The following DENND5A variants were observed in gnomAD, a reference collection of about 807,000 sequenced individuals.
The protein encoded by DENND5A is DENN domain containing 5A.
A neutral mutation model predicts 140.3 loss-of-function variants in DENND5A; 64 were observed. The ratio of observed to expected loss-of-function variants is 0.46; its 90% CI spans 0.37 to 0.56. The LOEUF (loss-of-function observed/expected upper bound fraction) is 0.56, where lower values mean the gene tolerates loss of function less well. DENND5A is among the 20% of genes least tolerant of loss of function. DENND5A has a pLI of 0.00. For missense variants in DENND5A, 1,292 were observed against 1,593.8 expected (o/e 0.81, Z 3.22); for synonymous variants, 605 against 607.7 (o/e 1.00, Z 0.07).
chr11:9,207,122 A>AC, intron 2 of DENND5A: 1 of 431,748 alleles, frequency 2.3e-6, no homozygotes, highest in Non-Finnish European at 4.2e-6. Context: ...CCTGAAAGCC[A>AC]CATTTAATTT....
chr11:9,220,493 G>A (rs909075090), intron 1 of DENND5A, among the ~76,000 whole-genome samples: 9 of 152,028 alleles, frequency 5.9e-5, no homozygotes, highest in African/African-American at 2.2e-4. Flanking sequence ...GTTGCAGTGA[G>A]CCAAGATCAT....
intron 5 of DENND5A, among the ~76,000 whole-genome samples, chr11:9,190,616 A>G (rs1360756311): frequency 6.6e-6 from 1 of 152,044 alleles, no homozygotes; most frequent in Non-Finnish European, 1.5e-5. Flanking sequence ...TTCTTTTGTA[A>G]ACTGCCCGGT....
At chr11:9,227,205 TAAATAAGC>T (rs1156884848) in intron 1 of DENND5A, among the ~76,000 whole-genome samples, 1,997 of 137,620 alleles carry the variant, frequency 0.015, 44 homozygotes, top group African/African-American at 0.055. Context: ...AATAAATAAA[TAAATAAGC>T]AAGCAAGCAC....
chr11:9,257,868 C>T (rs1852019212), intron 1 of DENND5A, among the ~76,000 whole-genome samples: 1 of 151,644 alleles, frequency 6.6e-6, no homozygotes, highest in African/African-American at 2.4e-5. Flanking sequence ...TCTTGGCTCA[C>T]TGCAGCCTCC....
intron 1 of DENND5A, among the ~76,000 whole-genome samples, chr11:9,209,519 G>C (rs992736915): frequency 6.6e-6 from 1 of 152,154 alleles, no homozygotes; most frequent in African/African-American, 2.4e-5. Flanking sequence ...TTAGCTAAGG[G>C]AAGAAGTCTT....
intron 1 of DENND5A, among the ~76,000 whole-genome samples, chr11:9,223,861 T>C (rs1850421163): frequency 6.6e-6 from 1 of 152,206 alleles, no homozygotes; most frequent in South Asian, 2.1e-4. Context: ...TTTAGAATCC[T>C]TTCATAAACA....
In DENND5A at chr11:9,180,785, A is replaced by T. The variant is rs778766313; in HGVS notation, c.1437T>A (p.Thr479=). The T allele has an allele frequency of 1.9e-5, 30 of 1,614,142 alleles. No individual in the cohort carries two copies. The highest frequency in any genetic ancestry group is 2.5e-5 in the Non-Finnish European group (29 of 1,179,998). The change falls in exon 6 of 23, where the codon ACT becomes ACA. Residue 479 remains threonine, a synonymous_variant. Coordinates refer to ENST00000328194, the MANE Select transcript of DENND5A (RefSeq NM_015213.4). ...IARLQALVKR[T]GVSLEKLEVR... is the part of the protein sequence containing the mutation. Reference sequence around the variant, plus strand: ...ATCTTACCTTTTCCAGGCTCACCCCAGTTCTCTTGACCAAGGCTTGCAGCC... The same window carrying T: ...ATCTTACCTTTTCCAGGCTCACCCCTGTTCTCTTGACCAAGGCTTGCAGCC...
chr11:9,199,351 G>A (rs1849448296), intron 4 of DENND5A, among the ~76,000 whole-genome samples: 1 of 151,984 alleles, frequency 6.6e-6, no homozygotes. Context: ...ACAGAAACTA[G>A]CCAGACTCGG....
chr11:9,257,935 G>C (rs1852021835), intron 1 of DENND5A, among the ~76,000 whole-genome samples: 1 of 151,652 alleles, frequency 6.6e-6, no homozygotes, highest in African/African-American at 2.4e-5. Flanking sequence ...TGGGATTATA[G>C]GTGTGTGCCA....
At chr11:9,234,756 G>A (rs560578749) in intron 1 of DENND5A, among the ~76,000 whole-genome samples, 6 of 152,296 alleles carry the variant, frequency 3.9e-5, no homozygotes, top group African/African-American at 1.2e-4. Flanking sequence ...TAGATAACTA[G>A]CCGAACCCAT....
At chr11:9,163,841 AG>A (rs1848077894) in intron 11 of DENND5A, among the ~76,000 whole-genome samples, 1 of 151,426 alleles carries the variant, frequency 6.6e-6, no homozygotes, top group Non-Finnish European at 1.5e-5. Context: ...CCAGCAGCTT[AG>A]AAAAAAAAAA....
At chr11:9,194,090 T>A (rs1849233669) in intron 4 of DENND5A, among the ~76,000 whole-genome samples, 1 of 152,210 alleles carries the variant, frequency 6.6e-6, no homozygotes. Flanking sequence ...CAGTTCTCAC[T>A]AAGATACATC....
At chr11:9,172,788 G>C (rs1848413646) in intron 8 of DENND5A, among the ~76,000 whole-genome samples, 1 of 152,062 alleles carries the variant, frequency 6.6e-6, no homozygotes, top group South Asian at 2.1e-4. Flanking sequence ...TAATTATAAA[G>C]TGAGAAGACA....
chr11:9,251,997 A>C (rs187846613), intron 1 of DENND5A, among the ~76,000 whole-genome samples: 1 of 139,410 alleles, frequency 7.2e-6, no homozygotes, highest in Non-Finnish European at 1.6e-5. Flanking sequence ...TCGCGAAAAA[A>C]AAGAAAAAAG....
At chr11:9,189,729 C>G (rs1849047390) in intron 5 of DENND5A, among the ~76,000 whole-genome samples, 1 of 152,150 alleles carries the variant, frequency 6.6e-6, no homozygotes. Flanking sequence ...CAACCTCCAC[C>G]TCCCAGATTC....
At chr11:9,238,643 T>C (rs1488495412) in intron 1 of DENND5A, among the ~76,000 whole-genome samples, 1 of 152,008 alleles carries the variant, frequency 6.6e-6, no homozygotes, top group African/African-American at 2.4e-5. Flanking sequence ...CTCGATCTCC[T>C]GACCTTGTGA....
chr11:9,170,258 T>C, intron 9 of DENND5A: 5 of 983,860 alleles, frequency 5.1e-6, no homozygotes, highest in Non-Finnish European at 4.8e-6. Context: ...AAGTAACTAA[T>C]GAGTAATTCT....
chr11:9,147,772 T>C (rs1158492776), intron 15 of DENND5A, among the ~76,000 whole-genome samples: 1 of 152,224 alleles, frequency 6.6e-6, no homozygotes, highest in Non-Finnish European at 1.5e-5. Flanking sequence ...TGCCTATTCA[T>C]CAGAGGTCAA....
intron 1 of DENND5A, among the ~76,000 whole-genome samples, chr11:9,236,711 T>C (rs1851018541): frequency 6.8e-6 from 1 of 146,742 alleles, no homozygotes; most frequent in Admixed American, 7.1e-5. Context: ...GCAAGACCTC[T>C]GCCTCGAAAG....
Sources: gnomAD v4.1 joint callset for allele counts (sites outside exome capture counted in the v4.1 genomes callset) on GRCh38, gnomAD v4.1.1 for gene constraint, MANE v1.5 for transcripts, NCBI Gene and HGNC (gene_info 2026-07-23, HGNC 2026-07-21) for gene names.